KIAA1217: variants seen among roughly 807,000 people sequenced by gnomAD.
KIAA1217 encodes the protein sickle tail protein homolog.
Under a neutral mutation model 163.9 loss-of-function variants are expected in KIAA1217, and 88 were observed. The observed-to-expected ratio is 0.54, with a 90% CI of 0.45 to 0.64. The LOEUF (loss-of-function observed/expected upper bound fraction) is 0.64, where lower values mean the gene tolerates loss of function less well. Ranked by LOEUF, KIAA1217 falls within the 30% of genes least tolerant of loss-of-function variation. The pLI is 0.00. For synonymous variants in KIAA1217, 903 were observed against 923.1 expected (o/e 0.98, Z 0.39); for missense variants, 2,372 against 2,475.0 (o/e 0.96, Z 0.88).
At chr10:23,987,665 A>G (rs903251436) in intron 1 of KIAA1217, among the ~76,000 whole-genome samples, 3 of 151,342 alleles carry the variant, frequency 2.0e-5, no homozygotes, top group African/African-American at 7.3e-5. Flanking sequence ...CTTAAAATCT[A>G]CTCTCTTAGC....
chr10:24,176,289 G>C (rs1037147216), intron 2 of KIAA1217, among the ~76,000 whole-genome samples: 1 of 152,052 alleles, frequency 6.6e-6, no homozygotes, highest in Non-Finnish European at 1.5e-5. Context: ...CAAACCTTCA[G>C]CTAGACACAG....
chr10:24,345,314 C>G (rs2047593161), intron 2 of KIAA1217, among the ~76,000 whole-genome samples: 1 of 152,204 alleles, frequency 6.6e-6, no homozygotes, highest in African/African-American at 2.4e-5. Flanking sequence ...GAGCTGCCCA[C>G]TTCGTAGGAA....
chr10:23,696,286 C>T (rs1026168094), intron 1 of KIAA1217, among the ~76,000 whole-genome samples: 1 of 152,212 alleles, frequency 6.6e-6, no homozygotes, highest in Non-Finnish European at 1.5e-5. Flanking sequence ...GCTCGCCTAC[C>T]CTGCTCTCAC....
chr10:23,888,742 C>T (rs1368194542), intron 1 of KIAA1217, among the ~76,000 whole-genome samples: 1 of 151,802 alleles, frequency 6.6e-6, no homozygotes, highest in East Asian at 1.9e-4. Context: ...GTATAATTTG[C>T]ATAAAGTAAA....
intron 1 of KIAA1217, among the ~76,000 whole-genome samples, chr10:23,990,587 T>C (rs1310963884): frequency 6.6e-6 from 1 of 152,186 alleles, no homozygotes; most frequent in East Asian, 1.9e-4. Context: ...AAAAAGATTT[T>C]CTAAAATATA....
intron 2 of KIAA1217, among the ~76,000 whole-genome samples, chr10:24,067,037 C>T (rs2060979218): frequency 6.6e-6 from 1 of 152,130 alleles, no homozygotes; most frequent in African/African-American, 2.4e-5. Flanking sequence ...TCTAGTTATC[C>T]ATTGATCTAA....
chr10:23,790,313 A>ACATATGCATATGCACATATGCATATATG (rs1160648324), intron 1 of KIAA1217, among the ~76,000 whole-genome samples: 1 of 95,926 alleles, frequency 1.0e-5, no homozygotes, highest in Non-Finnish European at 2.0e-5. Flanking sequence ...ATGCATATAT[A>ACATATGCATATGCACATATGCATATATG]CATATGCACA....
chr10:24,397,000 G>T (rs1443593262), intron 3 of KIAA1217, among the ~76,000 whole-genome samples: 1 of 152,098 alleles, frequency 6.6e-6, no homozygotes, highest in Admixed American at 6.6e-5. Flanking sequence ...AGCAGAGTGA[G>T]CAGGGAAAAG....
chr10:24,241,117 G>T (rs532199984), intron 2 of KIAA1217, among the ~76,000 whole-genome samples: 5 of 152,126 alleles, frequency 3.3e-5, no homozygotes, highest in South Asian at 2.1e-4. Flanking sequence ...GAAATGCTGG[G>T]ATTACAGGCT....
intron 2 of KIAA1217, among the ~76,000 whole-genome samples, chr10:24,248,344 ATTG>A (rs1481477854): frequency 2.6e-5 from 4 of 152,200 alleles, no homozygotes; most frequent in Non-Finnish European, 4.4e-5. Context: ...CTTTTGACTC[ATTG>A]TATAAAACAT....
chr10:23,961,827 G>A (rs964124986), intron 1 of KIAA1217, among the ~76,000 whole-genome samples: 1 of 152,094 alleles, frequency 6.6e-6, no homozygotes. Flanking sequence ...GGCTGTGAAG[G>A]ATCTATTCCA....
At chr10:23,799,896 C>T (rs1282150501) in intron 1 of KIAA1217, among the ~76,000 whole-genome samples, 1 of 152,170 alleles carries the variant, frequency 6.6e-6, no homozygotes, top group Non-Finnish European at 1.5e-5. Context: ...TTCTATTGGA[C>T]TAAGAATTGA....
chr10:24,094,252 T>A (rs898097918), intron 2 of KIAA1217, among the ~76,000 whole-genome samples: 2 of 152,176 alleles, frequency 1.3e-5, no homozygotes, highest in Non-Finnish European at 2.9e-5. Context: ...GTTGAACTAG[T>A]TTACAGTCCC....
At chr10:24,399,711 G>A (rs1395814527) in intron 3 of KIAA1217, among the ~76,000 whole-genome samples, 4 of 152,186 alleles carry the variant, frequency 2.6e-5, no homozygotes, top group Non-Finnish European at 5.9e-5. Flanking sequence ...GCTTCAGAAA[G>A]AGTCCAAAAA....
At chr10:23,735,362 A>G (rs897294185) in intron 1 of KIAA1217, among the ~76,000 whole-genome samples, 59 of 152,132 alleles carry the variant, frequency 3.9e-4, no homozygotes, top group Admixed American at 3.7e-3. Flanking sequence ...CCTCCTGAGT[A>G]GCTGGGATTA....
At chr10:23,997,738 A>G (rs1846551566) in intron 1 of KIAA1217, among the ~76,000 whole-genome samples, 1 of 152,092 alleles carries the variant, frequency 6.6e-6, no homozygotes, top group Non-Finnish European at 1.5e-5. Flanking sequence ...CCATGGAGGG[A>G]ATTAAAGGCT....
chr10:23,722,303 T>A (rs560153926), intron 1 of KIAA1217, among the ~76,000 whole-genome samples: 1 of 152,158 alleles, frequency 6.6e-6, no homozygotes, highest in Non-Finnish European at 1.5e-5. Flanking sequence ...GATAGGACTA[T>A]GACAATAAGA....
chr10:24,507,024 G>A (rs1042979114), intron 9 of KIAA1217, among the ~76,000 whole-genome samples: 7 of 152,340 alleles, frequency 4.6e-5, no homozygotes, highest in South Asian at 2.1e-4. Context: ...AGATGTTCAC[G>A]TTTTGAAAAG....
intron 1 of KIAA1217, among the ~76,000 whole-genome samples, chr10:23,762,235 T>C (rs1834293075): frequency 6.6e-6 from 1 of 151,802 alleles, no homozygotes; most frequent in Admixed American, 6.6e-5. Context: ...TTCCAAACAA[T>C]TGAAAAGAAG....
Sources: allele counts gnomAD v4.1 joint callset (sites outside exome capture counted in the v4.1 genomes callset), GRCh38; gene constraint gnomAD v4.1.1; transcripts MANE v1.5; gene names NCBI Gene and HGNC (gene_info 2026-07-23, HGNC 2026-07-21).